Variants in HS3ST3A1 observed in about 807,000 individuals in gnomAD.
HS3ST3A1 encodes the protein heparan sulfate-glucosamine 3-sulfotransferase 3A1.
Under a neutral mutation model 25.7 loss-of-function variants are expected in HS3ST3A1, and 19 were observed. The ratio of observed to expected loss-of-function variants is 0.74; its 90% CI spans 0.52 to 1.08. The LOEUF (loss-of-function observed/expected upper bound fraction) is 1.08, where lower values mean the gene tolerates loss of function less well. Ranked by LOEUF, HS3ST3A1 falls within the 50% of genes least tolerant of loss-of-function variation. HS3ST3A1 has a pLI of 0.00. For missense variants in HS3ST3A1, 459 were observed against 594.3 expected (o/e 0.77, Z 2.37); for synonymous variants, 226 against 278.6 (o/e 0.81, Z 1.88).
chr17:13,548,542 G>A (rs901807118), intron 1 of HS3ST3A1, among the ~76,000 whole-genome samples: 5 of 152,096 alleles, frequency 3.3e-5, no homozygotes, highest in Admixed American at 2.6e-4. Flanking sequence ...TTAACAAACC[G>A]TCTCTAATCC....
At chr17:13,534,006 C>T (rs948719731) in intron 1 of HS3ST3A1, among the ~76,000 whole-genome samples, 1 of 152,074 alleles carries the variant, frequency 6.6e-6, no homozygotes, top group Admixed American at 6.6e-5. Flanking sequence ...GTCTCAATTC[C>T]ATAGATCCCG....
chr17:13,526,893 T>C (rs1906449332), intron 1 of HS3ST3A1, among the ~76,000 whole-genome samples: 1 of 152,086 alleles, frequency 6.6e-6, no homozygotes, highest in African/African-American at 2.4e-5. Flanking sequence ...CCTCAGGTGA[T>C]CTACCCGCCT....
chr17:13,526,525 G>T (rs1906435262), intron 1 of HS3ST3A1, among the ~76,000 whole-genome samples: 5 of 108,976 alleles, frequency 4.6e-5, no homozygotes, highest in South Asian at 3.0e-4. Context: ...TTATTGGGTT[G>T]GTCTGTGATT....
At chr17:13,527,116 G>C (rs762875345) in intron 1 of HS3ST3A1, among the ~76,000 whole-genome samples, 50 of 152,164 alleles carry the variant, frequency 3.3e-4, no homozygotes, top group Non-Finnish European at 6.6e-4. Context: ...AGCTGAGGCT[G>C]CTATACGTGG....
chr17:13,526,602 G>A (rs1360930225), intron 1 of HS3ST3A1, among the ~76,000 whole-genome samples: 1 of 148,498 alleles, frequency 6.7e-6, no homozygotes, highest in Non-Finnish European at 1.5e-5. Flanking sequence ...GCAGATCAGA[G>A]TAAAGTTAAA....
chr17:13,557,947 A>C (rs1346027787), intron 1 of HS3ST3A1, among the ~76,000 whole-genome samples: 1 of 152,228 alleles, frequency 6.6e-6, no homozygotes, highest in African/African-American at 2.4e-5. Context: ...TAAAGACAGA[A>C]TCCTGTAAGT....
At chr17:13,591,661 C>CTTTTTTTTTTTTTTTTTTTTTTTTT (rs34995100) in intron 1 of HS3ST3A1, among the ~76,000 whole-genome samples, 1 of 142,264 alleles carries the variant, frequency 7.0e-6, no homozygotes. Context: ...TTTTCTTCTT[C>CTTTTTTTTTTTTTTTTTTTTTTTTT]TTTTTTTTTT....
At chr17:13,580,486 A>G (rs1393282199) in intron 1 of HS3ST3A1, among the ~76,000 whole-genome samples, 1 of 152,240 alleles carries the variant, frequency 6.6e-6, no homozygotes, top group African/African-American at 2.4e-5. Flanking sequence ...ATTTATACAC[A>G]CAATTAGTAT....
chr17:13,583,841 G>C (rs1049605853), intron 1 of HS3ST3A1, among the ~76,000 whole-genome samples: 2 of 152,138 alleles, frequency 1.3e-5, no homozygotes, highest in African/African-American at 4.8e-5. Flanking sequence ...CACTACAACG[G>C]TATTTGGCTT....
chr17:13,558,411 T>C (rs1907437809), intron 1 of HS3ST3A1, among the ~76,000 whole-genome samples: 1 of 152,106 alleles, frequency 6.6e-6, no homozygotes, highest in Non-Finnish European at 1.5e-5. Context: ...CAATAATACA[T>C]AGATAAAATA....
intron 1 of HS3ST3A1, among the ~76,000 whole-genome samples, chr17:13,579,751 A>C (rs1167080607): frequency 7.0e-6 from 1 of 141,914 alleles, no homozygotes; most frequent in Non-Finnish European, 1.5e-5. Context: ...ATGCTTTGGG[A>C]GACTGACAGA....
At chr17:13,512,305 C>CAAAAAAAAAAAAAAAA (rs67523378) in intron 1 of HS3ST3A1, among the ~76,000 whole-genome samples, 16 of 82,102 alleles carry the variant, frequency 1.9e-4, no homozygotes, top group South Asian at 8.1e-4. Flanking sequence ...GACTCCGTCT[C>CAAAAAAAAAAAAAAAA]AAAAAAAAAA....
intron 1 of HS3ST3A1, among the ~76,000 whole-genome samples, chr17:13,598,143 T>A (rs1373606771): frequency 6.6e-6 from 1 of 152,188 alleles, no homozygotes; most frequent in Non-Finnish European, 1.5e-5. Flanking sequence ...GTGGTACAAA[T>A]CCTGTATTGC....
In HS3ST3A1 at chr17:13,593,005, G is replaced by A. The variant is rs1169489527; in HGVS notation, c.599+7526C>T. Among the ~76,000 whole-genome samples, 4 of 152,252 alleles carry A rather than the reference G, an allele frequency of 2.6e-5. 1 individual carries two copies. The highest frequency in any genetic ancestry group is 4.1e-4 in the South Asian group (2 of 4,828). The stretch of plus-strand genomic sequence containing the variant: ...CTCTTCCTGCCTCTTCCTTGAATGC[G>A]TTAATTGTTCCAGGTCTGTTTTGCT... On this transcript the variant is annotated intron_variant, in intron 1 of 1. Transcript: ENST00000284110.
chr17:13,551,066 C>CAAAAA (rs3080921), intron 1 of HS3ST3A1, among the ~76,000 whole-genome samples: 5 of 123,940 alleles, frequency 4.0e-5, no homozygotes, highest in Admixed American at 8.3e-5. Flanking sequence ...GACTCTGTCT[C>CAAAAA]AAAAAAAAAA....
At chr17:13,524,948 T>C (rs1411123890) in intron 1 of HS3ST3A1, among the ~76,000 whole-genome samples, 1 of 152,198 alleles carries the variant, frequency 6.6e-6, no homozygotes, top group Non-Finnish European at 1.5e-5. Flanking sequence ...AATTATACCC[T>C]TGATTATTAA....
intron 1 of HS3ST3A1, among the ~76,000 whole-genome samples, chr17:13,577,378 A>G (rs1043412880): frequency 6.6e-6 from 1 of 152,152 alleles, no homozygotes; most frequent in African/African-American, 2.4e-5. Context: ...AGTTCATTGT[A>G]TTCCTGGGGT....
At chr17:13,509,618 A>T (rs887887785) in intron 1 of HS3ST3A1, among the ~76,000 whole-genome samples, 1 of 152,192 alleles carries the variant, frequency 6.6e-6, no homozygotes, top group African/African-American at 2.4e-5. Context: ...GATAGGTTAC[A>T]AGGAGACAGA....
chr17:13,601,068 A>G lies in HS3ST3A1; in HGVS notation c.62T>C (p.Ile21Thr), dbSNP rs772077905. The G allele has an allele frequency of 1.8e-5, 28 of 1,598,544 alleles. No individual in the cohort carries two copies. Among genetic ancestry groups the G allele is most frequent in the Non-Finnish European group, 2.4e-5 (28 of 1,173,466 alleles). ...STSAEPLSRS[I>T]FRKFLLMLCS... Reference sequence around the variant, plus strand: ...GAGCATCAGCAAGAACTTCCGGAAGATGCTGCGGGACAGCGGCTCGGCCGA... The same window carrying G: ...GAGCATCAGCAAGAACTTCCGGAAGGTGCTGCGGGACAGCGGCTCGGCCGA... The change falls in exon 1 of 2, where the codon ATC becomes ACC. Residue 21 changes from isoleucine to threonine, a missense_variant. Coordinates refer to ENST00000284110, the MANE Select transcript of HS3ST3A1 (RefSeq NM_006042.3).
Sources: allele counts gnomAD v4.1 joint callset (sites outside exome capture counted in the v4.1 genomes callset), GRCh38; gene constraint gnomAD v4.1.1; transcripts MANE v1.5; gene names NCBI Gene and HGNC (gene_info 2026-07-23, HGNC 2026-07-21).